The following CIDEB variants were observed in gnomAD, a reference collection of about 807,000 sequenced individuals.
CIDEB encodes cell death inducing DFFA like effector b.
A neutral mutation model predicts 22.4 loss-of-function variants in CIDEB; 27 were observed. The ratio of observed to expected loss-of-function variants is 1.21; its 90% CI spans 0.89 to 1.66. CIDEB has a LOEUF of 1.66. Among genes scored for constraint, CIDEB ranks in the 40% most tolerant of loss-of-function variants. The pLI is 0.00. For missense variants in CIDEB, 289 were observed against 268.7 expected (o/e 1.08, Z -0.53); for synonymous variants, 103 against 109.5 (o/e 0.94, Z 0.37).
Position 24,305,557 on chromosome 14 carries a change from TCCTGAAATTTGATGC to T in CIDEB, c.*61_*75del. 6.5e-7 allele frequency: 1 copy of T among 1,538,672 alleles called. No individual in the cohort carries two copies. Among genetic ancestry groups the T allele is most frequent in the African/African-American group, 1.4e-5 (1 of 72,764 alleles). The stretch of plus-strand genomic sequence containing the variant: ...TTATCTAGCCTGTACTGTCTGCAGG[TCCTGAAATTTGATGC>T]TGTCATAGTCTTTGCAGTGGGTCGG... On this transcript the variant is annotated 3_prime_UTR_variant, in exon 5 of 5. Coordinates refer to ENST00000554411, the MANE Select transcript of CIDEB (RefSeq NM_001393339.1).
Position 24,305,933 on chromosome 14 carries a change from T to C in CIDEB, c.527+14A>G. ...CTGTAGGGGATGGGGCAGTATGACATGTTGATTTCTGACCTGAGTACTTTC... is the reference window on the plus strand; with the variant it reads ...CTGTAGGGGATGGGGCAGTATGACACGTTGATTTCTGACCTGAGTACTTTC... On this transcript the variant is annotated intron_variant, in intron 4 of 4. Transcript: ENST00000554411. The C allele has an allele frequency of 1.2e-6, 2 of 1,610,172 alleles. No individual in the cohort carries two copies. The highest frequency in any genetic ancestry group is 1.7e-6 in the Non-Finnish European group (2 of 1,177,578).
chr14:24,307,503 A>G lies in CIDEB; in HGVS notation c.54T>C (p.Asn18=), dbSNP rs1188213884. ...NPSDLLRSVS[N]ISSEFGRRVW... ...CCCTCCGTCCAAACTCCGAGCTTAT[A>G]TTAGATACTGACCTGGTAGTTGAGA... The change falls in exon 2 of 5, where the codon AAT becomes AAC. Residue 18 remains asparagine (N), a synonymous_variant. Coordinates refer to ENST00000554411, the MANE Select transcript of CIDEB (RefSeq NM_001393339.1). The G allele has an allele frequency of 1.9e-6, 3 of 1,613,810 alleles. No individual in the cohort carries two copies. The highest frequency in any genetic ancestry group is 2.5e-6 in the Non-Finnish European group (3 of 1,179,874).
intron 3 of CIDEB, 44 bp from the exon 4 acceptor site, chr14:24,306,181 A>G: frequency 3.2e-6 from 5 of 1,585,008 alleles, no homozygotes; most frequent in Non-Finnish European, 4.3e-6. Context: ...CATACCAGAC[A>G]CCCACCACTA....
At position 24,305,202 on chromosome 14, in the gene CIDEB, T is replaced by G. The variant is rs1428786355; in HGVS notation, c.*431A>C. ...GTCAGAAGTCTTAGTGGTAAATATT[T>G]GATATTTTTATTGGAAATGTTTTTG... On this transcript the variant is annotated 3_prime_UTR_variant, in exon 5 of 5. Transcript: ENST00000554411. 1 of 1,149,994 alleles carries G rather than the reference T, an allele frequency of 8.7e-7. No homozygotes were observed. Among genetic ancestry groups the G allele is most frequent in the Non-Finnish European group, 1.2e-6 (1 of 863,556 alleles). 71.2% of individuals were successfully genotyped at this position (1,149,994 alleles called of 1,614,324 possible).
Position 24,306,013 on chromosome 14 carries a change from G to A in CIDEB, c.461C>T (p.Ala154Val). 6.2e-7 allele frequency: 1 copy of A among 1,614,150 alleles called. No homozygotes were observed. The highest frequency in any genetic ancestry group is 8.5e-7 in the Non-Finnish European group (1 of 1,180,018). Residue 154 changes from alanine (A) to valine (V), a missense_variant, in exon 4 of 5, where the codon GCC (alanine) becomes GTC (valine). Transcript: ENST00000554411. ...CATAGAGTAGAGCCCGTAGAATGTG[G>A]CTTTGACATTCAGGCTGCCAAAGAG... ...RDLFGSLNVKATFYGLYSMSC... is the reference protein window; with the variant it reads ...RDLFGSLNVKVTFYGLYSMSC...
Position 24,307,413 on chromosome 14 carries a change from C to G in CIDEB, c.144G>C (p.Arg48=). The G allele has an allele frequency of 5.0e-6, 8 of 1,613,934 alleles. No homozygotes were observed. Among genetic ancestry groups the G allele is most frequent in the Non-Finnish European group, 6.8e-6 (8 of 1,179,912 alleles). Residue 48 remains arginine (R), a synonymous_variant, in exon 2 of 5, where the codon CGG becomes CGC. Transcript: ENST00000554411. ...FRVCDHKRTI[R]KGLTAATRQE... is the part of the protein sequence containing the mutation. ...GGCGGGTGGCAGCTGTCAGGCCTTTCCGGATGGTCCGCTTGTGATCACAGA... is the reference window on the plus strand; with the variant it reads ...GGCGGGTGGCAGCTGTCAGGCCTTTGCGGATGGTCCGCTTGTGATCACAGA...
At chr14:24,310,742 C>T, upstream of CIDEB, 1 of 1,611,784 alleles carries the variant, frequency 6.2e-7, no homozygotes, top group East Asian at 2.2e-5. Flanking sequence ...GCACAGCCTT[C>T]CTGCTGCTGG....
upstream of CIDEB, chr14:24,309,054 A>G (rs373246201): frequency 3.9e-5 from 6 of 152,182 alleles, no homozygotes; most frequent in African/African-American, 1.2e-4. Flanking sequence ...ACTCTCTCTC[A>G]CTGTCTGTTG....
chr14:24,306,196 C>T, intron 3 of CIDEB, 59 bp from the exon 4 acceptor site: 1 of 1,567,768 alleles, frequency 6.4e-7, no homozygotes, highest in Non-Finnish European at 8.7e-7. Flanking sequence ...CCACTAATCT[C>T]CATCAGCACT....
intron 4 of CIDEB, 49 bp from the exon 5 acceptor site, chr14:24,305,814 G>A (rs1481383875): frequency 1.9e-6 from 3 of 1,604,434 alleles, no homozygotes; most frequent in Non-Finnish European, 1.7e-6. Context: ...AAACTTGGGA[G>A]GAAGCCATCA....
upstream of CIDEB, chr14:24,310,510 C>T (rs1411789192): frequency 6.0e-6 from 5 of 828,224 alleles, no homozygotes; most frequent in Non-Finnish European, 1.0e-5. Context: ...GGTCTGGGTC[C>T]TCGTGGAAGT....
At chr14:24,311,072 C>T (rs2041683905), upstream of CIDEB, 1 of 1,561,584 alleles carries the variant, frequency 6.4e-7, no homozygotes, top group South Asian at 1.2e-5. Flanking sequence ...GCAGCCCGGC[C>T]CTGGCCCGCC....
In CIDEB at chr14:24,306,486, A is replaced by C. The variant is rs957631698; in HGVS notation, c.224T>G (p.Leu75Arg). 12 of 1,614,116 alleles carry C rather than the reference A, an allele frequency of 7.4e-6. No homozygotes were observed. The Admixed American group carries it at 8.3e-5, about 11-fold the overall frequency. Residue 75 changes from leucine to arginine, a missense_variant, in exon 3 of 5, where the codon CTG becomes CGG. Transcript: ENST00000554411. ...TGCAGTTCCATCCTCCTCTAGCACCAGGGTTAGCACTCCATTCAGCAGTAG... is the reference window on the plus strand; with the variant it reads ...TGCAGTTCCATCCTCCTCTAGCACCCGGGTTAGCACTCCATTCAGCAGTAG... The part of the protein sequence containing the change: ...ETLLLNGVLT[L>R]VLEEDGTAVD...
upstream of CIDEB, chr14:24,311,424 C>A (rs745783539): frequency 3.1e-6 from 5 of 1,601,316 alleles, no homozygotes; most frequent in Admixed American, 3.3e-5. Context: ...AGCGCTGGCT[C>A]CACCGGAAGG....
chr14:24,307,295 A>G, intron 2 of CIDEB, 76 bp downstream of exon 2: 2 of 1,497,998 alleles, frequency 1.3e-6, no homozygotes, highest in South Asian at 1.3e-5. Flanking sequence ...CCTCTGCTCC[A>G]TCATCACAAG....
At position 24,306,062 on chromosome 14, in the gene CIDEB, C is replaced by T. The variant is rs148553609; in HGVS notation, c.412G>A (p.Val138Met). Residue 138 changes from valine to methionine, a missense_variant, in exon 4 of 5, where the codon GTG (valine) becomes ATG (methionine). Transcript: ENST00000554411. ...AGGTCTCGAGGGTTTTGCTTGTACACGTCAAAGGTGAATCGGGCGATGTCC... is the reference window on the plus strand; with the variant it reads ...AGGTCTCGAGGGTTTTGCTTGTACATGTCAAAGGTGAATCGGGCGATGTCC... ...SKDIARFTFD[V>M]YKQNPRDLFG... 24 of 1,614,066 alleles carry T rather than the reference C, an allele frequency of 1.5e-5. No individual in the cohort carries two copies. The highest frequency in any genetic ancestry group is 5.3e-5 in the African/African-American group (4 of 74,916).
At position 24,306,660 on chromosome 14, in the gene CIDEB, A is replaced by G; in HGVS notation, c.187-137T>C. 2.9e-6 allele frequency: 3 copies of G among 1,047,832 alleles called. No individual in the cohort carries two copies. In the South Asian group the frequency reaches 4.5e-5, roughly 16 times the overall value. The allele number at this position is 1,047,832 out of a possible 1,614,324, so 64.9% of individuals were successfully genotyped here. A position where few individuals can be genotyped will look rare whatever the true frequency, so the allele number is the denominator to read the frequency against. ...CTTTCCGGCACTTTGATACCTCCTA[A>G]AGGTTGCAGCTCTCCGTGTTCTTCA... On this transcript the variant is annotated intron_variant, in intron 2 of 4. Coordinates refer to ENST00000554411, the MANE Select transcript of CIDEB (RefSeq NM_001393339.1).
chr14:24,310,441 A>C, upstream of CIDEB: 2 of 681,102 alleles, frequency 2.9e-6, no homozygotes. Context: ...GGAGTGGGGC[A>C]GGTCAACTGA....
Position 24,306,543 on chromosome 14 carries a change from A to G in CIDEB, c.187-20T>C. 1 of 1,614,236 alleles carries G rather than the reference A, an allele frequency of 6.2e-7. No homozygotes were observed. The highest frequency in any genetic ancestry group is 8.5e-7 in the Non-Finnish European group (1 of 1,180,038). On this transcript the variant is annotated intron_variant, in intron 2 of 4. Transcript: ENST00000554411. ...CAATGCCTGCCCAATGGCAAGAAGC[A>G]AGAAGGGCAGGTCTTATCCCATGCC...
Sources: allele counts gnomAD v4.1 joint callset, GRCh38; gene constraint gnomAD v4.1.1; transcripts MANE v1.5; gene names NCBI Gene and HGNC (gene_info 2026-07-23, HGNC 2026-07-21).